IAH1: variants seen among roughly 807,000 people sequenced by gnomAD.
IAH1 encodes isoamyl acetate-hydrolyzing esterase 1 homolog.
A neutral mutation model predicts 26.7 loss-of-function variants in IAH1; 24 were observed. That is an observed-to-expected ratio of 0.90 (90% CI 0.65 to 1.26). The LOEUF is 1.26. Among genes scored for constraint, IAH1 ranks in the 50% most tolerant of loss-of-function variants. The probability of loss-of-function intolerance (pLI) is 0.00; values close to 1 mark genes in which losing one functional copy is unlikely to be tolerated. For synonymous variants in IAH1, 140 were observed against 118.5 expected, an observed-to-expected ratio of 1.18 and a Z score of -1.18; for missense variants, 300 against 299.9, an observed-to-expected ratio of 1.00 and a Z score of 0.00.
downstream of IAH1, chr2:9,497,093 A>C (rs560647524): frequency 5.6e-6 from 9 of 1,610,316 alleles, no homozygotes; most frequent in South Asian, 8.8e-5. Flanking sequence ...CTGCTGCTGG[A>C]CTGGGAATAA....
chr2:9,488,129 G>T lies in IAH1; in HGVS notation c.565-18G>T. 2.6e-6 allele frequency: 4 copies of T among 1,565,864 alleles called. No individual in the cohort carries two copies. ...CGTGGCCAGTTACCCACCTTTAACC[G>T]ATTTCTCTCCCTTCTAGGACTTCTC... On this transcript the variant is annotated intron_variant, in intron 5 of 5. Coordinates refer to ENST00000497473, the MANE Select transcript of IAH1 (RefSeq NM_001039613.3).
intron 5 of IAH1, among the ~76,000 whole-genome samples, chr2:9,487,006 A>G (rs1259281006): frequency 6.6e-6 from 1 of 151,940 alleles, no homozygotes; most frequent in Non-Finnish European, 1.5e-5. Context: ...CCAAGGTGGG[A>G]GTATTGCTTG....
chr2:9,485,656 C>T (rs1427200186), intron 5 of IAH1: 1 of 154,362 alleles, frequency 6.5e-6, no homozygotes, highest in African/African-American at 2.4e-5. Flanking sequence ...GCCCACCCCC[C>T]AAAAAAAGGC....
At chr2:9,494,085 A>T (rs1490979864), downstream of IAH1, among the ~76,000 whole-genome samples, 1 of 152,200 alleles carries the variant, frequency 6.6e-6, no homozygotes, top group Non-Finnish European at 1.5e-5. Flanking sequence ...CAGTTTGCTA[A>T]AGATGAGGCA....
chr2:9,501,137 T>TA (rs1156757077), downstream of IAH1, among the ~76,000 whole-genome samples: 2 of 152,034 alleles, frequency 1.3e-5, no homozygotes, highest in African/African-American at 4.8e-5. Flanking sequence ...ACCCAATTTT[T>TA]AAAAAATGAA....
At chr2:9,494,694 T>C, downstream of IAH1, 1 of 1,614,160 alleles carries the variant, frequency 6.2e-7, no homozygotes, top group Non-Finnish European at 8.5e-7. Context: ...ATAAGTTCTT[T>C]TGTTCAGCAT....
rs769420957 is a variant in IAH1 at position 9,476,071 on chromosome 2, T to C, written c.134+32T>C. Reference sequence around the variant, plus strand: ...ATGGTTTCCGATACTTGAGTTCTTATGGATGGAAAATGTCTTAGGGATCCG... The same window carrying C: ...ATGGTTTCCGATACTTGAGTTCTTACGGATGGAAAATGTCTTAGGGATCCG... On this transcript the variant is annotated intron_variant, in intron 2 of 5. Transcript: ENST00000497473. 2.5e-6 allele frequency: 4 copies of C among 1,572,776 alleles called. No individual in the cohort carries two copies. The East Asian group carries it at 8.9e-5, about 35-fold the overall frequency.
the IAH1 span, among the ~76,000 whole-genome samples, chr2:9,504,577 C>T: frequency 6.6e-6 from 1 of 152,076 alleles, no homozygotes; most frequent in East Asian, 1.9e-4. Flanking sequence ...CCATCCTGGC[C>T]ACCGTAGTGA....
At chr2:9,505,471 A>C in the IAH1 span, 3 of 1,176,594 alleles carry the variant, frequency 2.5e-6, no homozygotes, top group Non-Finnish European at 3.7e-6. Flanking sequence ...TAAAACCACC[A>C]TCAGAGCCAC....
chr2:9,474,826 C>T lies in IAH1; in HGVS notation c.81+179C>T, dbSNP rs868812817. 1.1e-5 allele frequency: 6 copies of T among 532,774 alleles called. No individual in the cohort carries two copies. The highest frequency in any genetic ancestry group is 5.9e-6 in the Non-Finnish European group (2 of 340,300). The allele number at this position is 532,774 out of a possible 1,614,324, so 33.0% of individuals were successfully genotyped here. On this transcript the variant is annotated intron_variant, in intron 1 of 5. Coordinates refer to ENST00000497473, the MANE Select transcript of IAH1 (RefSeq NM_001039613.3). This position sits in a 1 kb window ranked among gnomAD's most constrained non-coding sequence, Gnocchi z 4.3. ...CCCCAGTGGCTGCGCCTTCCGGGCC[C>T]GCGGCGTCCCGGAGGTCACGACGGC...
rs1239944138 is a variant in IAH1, at chr2:9,488,267, TA to T, written c.686del (p.Tyr229SerfsTer5). On this transcript the variant is annotated frameshift_variant, in exon 6 of 6. Transcript: ENST00000497473. LOFTEE classifies it high-confidence loss of function. ...CTCTTCTCTACCTTTGCTGCTTCCT[TA>T]CTGGCGGGATGTAGCAGAAGCAAAA... is the stretch of plus-strand genomic sequence containing the variant. The part of the protein sequence containing the change: ...KVSSLPLLLP[Y>X]WRDVAEAKPE... The T allele has an allele frequency of 6.2e-7, 1 of 1,613,558 alleles. No individual in the cohort carries two copies. Among genetic ancestry groups the T allele is most frequent in the African/African-American group, 1.3e-5 (1 of 74,890 alleles).
At chr2:9,484,854 G>A (rs1182521480) in intron 5 of IAH1, 2 of 280,860 alleles carry the variant, frequency 7.1e-6, no homozygotes, top group African/African-American at 2.2e-5. Context: ...GAGAATGGCA[G>A]AAAGCTAAAA....
downstream of IAH1, chr2:9,492,808 G>T: frequency 8.7e-7 from 1 of 1,150,504 alleles, no homozygotes; most frequent in Non-Finnish European, 1.2e-6. Context: ...ACTTTGCTAA[G>T]AACAAGTTTT....
chr2:9,487,620 T>A (rs957472972), intron 5 of IAH1: 1 of 152,398 alleles, frequency 6.6e-6, no homozygotes, highest in Non-Finnish European at 1.5e-5. Flanking sequence ...GTTCTCTGTG[T>A]GTTCAAACAC....
chr2:9,493,251 T>G (rs1339765082), downstream of IAH1, among the ~76,000 whole-genome samples: 1 of 152,212 alleles, frequency 6.6e-6, no homozygotes, highest in African/African-American at 2.4e-5. Context: ...GTCAACAGAT[T>G]AATATGGAAT....
At chr2:9,481,505 C>CT in intron 4 of IAH1, 58 bp downstream of exon 4, 2 of 1,558,658 alleles carry the variant, frequency 1.3e-6, no homozygotes, top group South Asian at 1.1e-5. Context: ...GGGAGGAACT[C>CT]TGATAGGACA....
chr2:9,487,835 C>CGTGTGTGT (rs1452313099), intron 5 of IAH1, among the ~76,000 whole-genome samples: 3 of 58,086 alleles, frequency 5.2e-5, no homozygotes, highest in African/African-American at 1.5e-4. Flanking sequence ...TGTGTGTGTG[C>CGTGTGTGT]GCGCGCGCGC....
At chr2:9,501,323 G>A (rs1304838193), downstream of IAH1, among the ~76,000 whole-genome samples, 4 of 152,132 alleles carry the variant, frequency 2.6e-5, no homozygotes, top group Non-Finnish European at 4.4e-5. Flanking sequence ...AATTCCAAGC[G>A]TTGGCCAGAA....
chr2:9,484,219 CCTT>C (rs953319724), intron 4 of IAH1, among the ~76,000 whole-genome samples: 3 of 152,212 alleles, frequency 2.0e-5, no homozygotes, highest in African/African-American at 4.8e-5. Flanking sequence ...ACTGAAGGCT[CCTT>C]CTTCCCACTG....
Sources: gnomAD v4.1 joint callset for allele counts (sites outside exome capture counted in the v4.1 genomes callset) on GRCh38, gnomAD v4.1.1 for gene constraint, Gnocchi (gnomAD v3.1) non-coding constraint, MANE v1.5 for transcripts, NCBI Gene and HGNC (gene_info 2026-07-23, HGNC 2026-07-21) for gene names.